Variants in ASAH1 observed in about 807,000 individuals in gnomAD.
ASAH1 encodes the protein N-acylsphingosine amidohydrolase 1, also known as acid ceramidase.
In ASAH1, 70 loss-of-function variants were observed where a neutral mutation model predicts 59.5. The ratio of observed to expected loss-of-function variants is 1.18; its 90% CI spans 0.97 to 1.43. The LOEUF (loss-of-function observed/expected upper bound fraction) is 1.43, where lower values mean the gene tolerates loss of function less well. Among genes scored for constraint, ASAH1 ranks in the 40% most tolerant of loss-of-function variants. The pLI is 0.00. For synonymous variants in ASAH1, 213 were observed against 166.5 expected, an observed-to-expected ratio of 1.28 and a Z score of -2.15; for missense variants, 660 against 482.5, an observed-to-expected ratio of 1.37 and a Z score of -3.45.
intron 1 of ASAH1, among the ~76,000 whole-genome samples, chr8:18,082,108 ATTC>A (rs1449833072): frequency 1.3e-5 from 2 of 152,230 alleles, no homozygotes; most frequent in African/African-American, 4.8e-5. Context: ...TTAGTTTTGC[ATTC>A]TTATTTTTCC....
upstream of ASAH1, chr8:18,084,334 C>T: frequency 1.2e-5 from 17 of 1,417,766 alleles, no homozygotes; most frequent in Non-Finnish European, 1.5e-5. Context: ...CGTGATCCAT[C>T]CCCCTCCCCC....
chr8:18,084,744 G>C (rs754175884), upstream of ASAH1: 1 of 1,613,790 alleles, frequency 6.2e-7, no homozygotes, highest in Non-Finnish European at 8.5e-7. Context: ...CTGAGACTTG[G>C]GTAGGAGGCC....
At chr8:18,063,289 G>T in intron 6 of ASAH1, 59 bp from the exon 7 acceptor site, 1 of 1,452,178 alleles carries the variant, frequency 6.9e-7, no homozygotes, top group South Asian at 1.1e-5. Context: ...AATCAAAGCT[G>T]GACAATTAAT....
intron 3 of ASAH1, among the ~76,000 whole-genome samples, chr8:18,070,381 C>G (rs528464184): frequency 5.3e-5 from 8 of 152,284 alleles, no homozygotes; most frequent in Middle Eastern, 3.4e-3. Context: ...AACTCCTGAC[C>G]TCGTGATCCA....
chr8:18,078,892 C>CTCTCCCTGCCCTTCCCTACCTT (rs373523468), intron 1 of ASAH1, among the ~76,000 whole-genome samples: 18 of 152,248 alleles, frequency 1.2e-4, no homozygotes, highest in African/African-American at 4.1e-4. Context: ...CTTTCTCTCT[C>CTCTCCCTGCCCTTCCCTACCTT]TCTCCCTGCC....
intron 1 of ASAH1, among the ~76,000 whole-genome samples, chr8:18,079,274 G>GAAAAAAAAAAAAAAAAAAAAAAAAAAAA (rs3831581): frequency 8.6e-6 from 1 of 116,888 alleles, no homozygotes. Context: ...CTCCATCTCA[G>GAAAAAAAAAAAAAAAAAAAAAAAAAAAA]AAAAAAAAAA....
chr8:18,063,801 G>C (rs1034085087), intron 6 of ASAH1: 1 of 157,318 alleles, frequency 6.4e-6, no homozygotes, highest in Non-Finnish European at 1.4e-5. Flanking sequence ...GGAATCAATG[G>C]TCATGTTTTG....
At chr8:18,084,226 G>A, upstream of ASAH1, 1 of 1,485,216 alleles carries the variant, frequency 6.7e-7, no homozygotes, top group Non-Finnish European at 8.9e-7. Flanking sequence ...AGGAGAGGAC[G>A]GGGCTTTTCA....
chr8:18,067,002 A>C, intron 5 of ASAH1: 1 of 369,446 alleles, frequency 2.7e-6, no homozygotes, highest in Non-Finnish European at 5.1e-6. Flanking sequence ...ATGATGGAGC[A>C]TCGTGGAGTG....
chr8:18,075,205 G>C (rs1178054408), intron 2 of ASAH1, among the ~76,000 whole-genome samples: 4 of 152,006 alleles, frequency 2.6e-5, no homozygotes, highest in African/African-American at 7.3e-5. Context: ...CTGTTAGCCA[G>C]CATGGTCTCG....
intron 1 of ASAH1, among the ~76,000 whole-genome samples, chr8:18,081,400 G>C (rs1005597526): frequency 6.6e-6 from 1 of 152,116 alleles, no homozygotes; most frequent in African/African-American, 2.4e-5. Flanking sequence ...TCTTTTTAAA[G>C]TGAAAATGTT....
rs371900999 is a variant in ASAH1, at chr8:18,063,238, A to T, written c.458-8T>A. The T allele has an allele frequency of 1.9e-6, 3 of 1,612,332 alleles. No individual in the cohort carries two copies. The African/African-American group carries it at 4.0e-5, about 21-fold the overall frequency. On this transcript the variant is annotated splice_region_variant and splice_polypyrimidine_tract_variant and intron_variant, in intron 6 of 13. Transcript: ENST00000637790. ...TCCCATGTATTAGATGACCTATTTG[A>T]AGGTAGACAGAAGAGACGTGTAATA...
Position 18,084,086 on chromosome 8 carries a change from G to A in ASAH1, c.-28C>T, listed in dbSNP as rs375978966. 6 of 1,597,710 alleles carry A rather than the reference G, an allele frequency of 3.8e-6. No individual in the cohort carries two copies. Among genetic ancestry groups the A allele is most frequent in the Middle Eastern group, 1.7e-4 (1 of 5,906 alleles). ...CTCTAGCAGCCAACGCCACTCCCCG[G>A]ACTCCAGCAGAGGCAAAGAAGAGCC... On this transcript the variant is annotated 5_prime_UTR_variant, in exon 1 of 14. Transcript: ENST00000637790.
chr8:18,061,179 G>T, intron 10 of ASAH1, 198 bp downstream of exon 10: 1 of 489,104 alleles, frequency 2.0e-6, no homozygotes, highest in Non-Finnish European at 3.7e-6. Context: ...TGCTTTTTAA[G>T]TAATTCATTT....
chr8:18,058,730 A>G, intron 13 of ASAH1, 105 bp downstream of exon 13: 1 of 1,051,298 alleles, frequency 9.5e-7, no homozygotes, highest in Non-Finnish European at 1.5e-6. Context: ...TCCTAAGCTG[A>G]ACACACCTTT....
Position 18,061,404 on chromosome 8 carries a change from G to A in ASAH1, c.758C>T (p.Thr253Ile), listed in dbSNP as rs749399433. 3.1e-6 allele frequency: 5 copies of A among 1,612,828 alleles called. No homozygotes were observed. The highest frequency in any genetic ancestry group is 4.2e-6 in the Non-Finnish European group (5 of 1,178,760). The change falls in exon 10 of 14, where the codon ACT becomes ATT. Residue 253 changes from threonine to isoleucine, a missense_variant. Physicochemically the swap from Thr to Ile is moderately conservative, Grantham distance 89. Transcript: ENST00000637790. Reference protein sequence around the residue: ...KKDVMWIGFLTRTVLENSTSY... With the variant: ...KKDVMWIGFLIRTVLENSTSY... Reference sequence around the variant, plus strand: ...TGTGCTATTTTCCAGAACTGTTCTAGTGAGGAACCCTATCCACATGACATC... The same window carrying A: ...TGTGCTATTTTCCAGAACTGTTCTAATGAGGAACCCTATCCACATGACATC...
intron 1 of ASAH1, among the ~76,000 whole-genome samples, chr8:18,079,192 G>A (rs1229246085): frequency 6.7e-6 from 1 of 148,896 alleles, no homozygotes; most frequent in South Asian, 2.2e-4. Flanking sequence ...AGAATTGCCT[G>A]AAGCCGGGAG....
At position 18,084,097 on chromosome 8, in the gene ASAH1, A is replaced by C; in HGVS notation, c.-39T>G. 6.3e-7 allele frequency: 1 copy of C among 1,596,714 alleles called. No homozygotes were observed. The highest frequency in any genetic ancestry group is 8.5e-7 in the Non-Finnish European group (1 of 1,179,092). ...AACGCCACTCCCCGGACTCCAGCAG[A>C]GGCAAAGAAGAGCCGGCTGGGCCGG... is the stretch of plus-strand genomic sequence containing the variant. On this transcript the variant is annotated 5_prime_UTR_variant, in exon 1 of 14. Coordinates refer to ENST00000637790, the MANE Select transcript of ASAH1 (RefSeq NM_177924.5).
chr8:18,062,869 T>C (rs923987993), intron 7 of ASAH1: 3 of 8,502 alleles, frequency 3.5e-4, no homozygotes, highest in South Asian at 0.01. Flanking sequence ...TTCTGTGTTC[T>C]TTTTTTTTTT....
Sources: gnomAD v4.1 joint callset for allele counts (sites outside exome capture counted in the v4.1 genomes callset) on GRCh38, gnomAD v4.1.1 for gene constraint, MANE v1.5 for transcripts, NCBI Gene and HGNC (gene_info 2026-07-23, HGNC 2026-07-21) for gene names.